The following FMN2 variants were observed in gnomAD, a reference collection of about 807,000 sequenced individuals.
FMN2 encodes the protein formin-2.
FMN2 carries 51 observed loss-of-function variants against 142.3 expected under a neutral mutation model. The observed-to-expected ratio is 0.36, with a 90% CI of 0.29 to 0.45. The LOEUF is 0.45. Among genes scored for constraint, FMN2 ranks in the 20% least tolerant of loss-of-function variants. FMN2 has a pLI of 1.00. For missense variants in FMN2, 1,936 were observed against 2,122.8 expected (o/e 0.91, Z 1.73); for synonymous variants, 882 against 869.8 (o/e 1.01, Z -0.25).
At chr1:240,214,700 T>G (rs762739455) in intron 6 of FMN2, among the ~76,000 whole-genome samples, 17 of 152,002 alleles carry the variant, frequency 1.1e-4, no homozygotes, top group Non-Finnish European at 1.9e-4. Flanking sequence ...AATTCCAGGG[T>G]AGTTCAGTGA....
At chr1:240,219,166 C>A (rs1027428651) in intron 6 of FMN2, among the ~76,000 whole-genome samples, 3 of 152,270 alleles carry the variant, frequency 2.0e-5, no homozygotes, top group Non-Finnish European at 4.4e-5. Context: ...ATATTCATTT[C>A]TCTTAGCTGA....
intron 7 of FMN2, among the ~76,000 whole-genome samples, chr1:240,269,116 T>C (rs1358712335): frequency 3.9e-5 from 6 of 152,048 alleles, no homozygotes; most frequent in Non-Finnish European, 7.4e-5. Flanking sequence ...ATCCGAGAAA[T>C]AATTGCCCTG....
intron 7 of FMN2, among the ~76,000 whole-genome samples, chr1:240,287,924 C>A (rs1379434762): frequency 6.6e-6 from 1 of 152,094 alleles, no homozygotes; most frequent in Non-Finnish European, 1.5e-5. Context: ...CCTTCCAGTG[C>A]CATCAGGTGG....
intron 15 of FMN2, among the ~76,000 whole-genome samples, chr1:240,410,143 G>A (rs1674343945): frequency 7.4e-6 from 1 of 134,486 alleles, no homozygotes; most frequent in East Asian, 2.2e-4. Context: ...CTGTCTCCCA[G>A]ATAACAGTAC....
Position 240,330,804 on chromosome 1 carries a change from A to G in FMN2, c.4584+55A>G. ...ACATTGAGGAGTCAAGGTTTTGTTT[A>G]GTAATGGGTTTGAATGTAAAGCAGT... On this transcript the variant is annotated intron_variant, in intron 11 of 17. Transcript: ENST00000319653. 6 of 1,581,482 alleles carry G rather than the reference A, an allele frequency of 3.8e-6. No homozygotes were observed. The South Asian group carries it at 5.8e-5, about 15-fold the overall frequency.
intron 13 of FMN2, among the ~76,000 whole-genome samples, chr1:240,345,906 C>T (rs747535334): frequency 2.0e-5 from 3 of 152,150 alleles, no homozygotes; most frequent in Admixed American, 6.6e-5. Context: ...ATAGCAACAG[C>T]ACCAAAACCC....
intron 8 of FMN2, among the ~76,000 whole-genome samples, chr1:240,328,558 A>ATTTT (rs1671271937): frequency 7.7e-6 from 1 of 129,820 alleles, no homozygotes; most frequent in African/African-American, 2.8e-5. Context: ...TTTACACTTT[A>ATTTT]TTTTATTTAT....
intron 16 of FMN2, among the ~76,000 whole-genome samples, chr1:240,441,154 C>T (rs1191740859): frequency 2.6e-5 from 4 of 151,902 alleles, no homozygotes; most frequent in Admixed American, 1.3e-4. Context: ...GCCTCCATGC[C>T]CGGCTAATTT....
chr1:240,180,568 T>C (rs1018155750), intron 3 of FMN2, among the ~76,000 whole-genome samples: 5 of 139,780 alleles, frequency 3.6e-5, no homozygotes, highest in African/African-American at 8.1e-5. Flanking sequence ...CATGACCCCT[T>C]TTTTTTTTTT....
intron 4 of FMN2, among the ~76,000 whole-genome samples, chr1:240,190,651 C>T (rs925359623): frequency 1.3e-5 from 2 of 152,148 alleles, no homozygotes; most frequent in African/African-American, 4.8e-5. Context: ...TATTTGAGTA[C>T]AGATCTGTTT....
chr1:240,254,878 C>T (rs1159295440), intron 6 of FMN2, among the ~76,000 whole-genome samples: 2 of 152,122 alleles, frequency 1.3e-5, no homozygotes, highest in African/African-American at 4.8e-5. Flanking sequence ...AGGATGCAGT[C>T]TGGTGGGGGC....
At chr1:240,263,867 A>T (rs560500663) in intron 7 of FMN2, among the ~76,000 whole-genome samples, 6 of 152,136 alleles carry the variant, frequency 3.9e-5, no homozygotes, top group Non-Finnish European at 8.8e-5. Flanking sequence ...GTCCTGTCTA[A>T]AGCTAACTGG....
At chr1:240,299,943 A>T (rs1670139925) in intron 8 of FMN2, among the ~76,000 whole-genome samples, 1 of 152,200 alleles carries the variant, frequency 6.6e-6, no homozygotes, top group Admixed American at 6.5e-5. Context: ...GGCGCGCTGT[A>T]TGAAGGCACA....
At chr1:240,288,849 C>A (rs1390377015) in intron 7 of FMN2, among the ~76,000 whole-genome samples, 1 of 152,024 alleles carries the variant, frequency 6.6e-6, no homozygotes, top group Non-Finnish European at 1.5e-5. Flanking sequence ...GGCCCTCAGC[C>A]TGAGGAACTG....
chr1:240,357,439 A>G (rs925433729), intron 14 of FMN2, among the ~76,000 whole-genome samples: 3 of 152,190 alleles, frequency 2.0e-5, no homozygotes, highest in Admixed American at 1.3e-4. Flanking sequence ...GTGCTTTCAA[A>G]ACACAGATGA....
intron 15 of FMN2, among the ~76,000 whole-genome samples, chr1:240,394,931 G>T (rs1252125126): frequency 1.3e-5 from 2 of 152,168 alleles, no homozygotes; most frequent in African/African-American, 4.8e-5. Context: ...TCGCGCCACT[G>T]CACTCCAGCC....
intron 2 of FMN2, among the ~76,000 whole-genome samples, chr1:240,146,459 T>C (rs2103263427): frequency 6.6e-6 from 1 of 150,866 alleles, no homozygotes; most frequent in African/African-American, 2.4e-5. Context: ...TCCCAGCACT[T>C]TGGGAGGCCA....
At chr1:240,117,783 C>T (rs1257616092) in intron 1 of FMN2, among the ~76,000 whole-genome samples, 5 of 152,340 alleles carry the variant, frequency 3.3e-5, no homozygotes, top group South Asian at 4.1e-4. Context: ...TTGCCAGCCA[C>T]TCCTTGAGGT....
At chr1:240,373,049 T>C (rs1672925446) in intron 14 of FMN2, among the ~76,000 whole-genome samples, 1 of 151,988 alleles carries the variant, frequency 6.6e-6, no homozygotes, top group Non-Finnish European at 1.5e-5. Context: ...GCGCGCGTGG[T>C]GGTGCACACC....
Sources: allele counts gnomAD v4.1 joint callset (sites outside exome capture counted in the v4.1 genomes callset), GRCh38; gene constraint gnomAD v4.1.1; transcripts MANE v1.5; gene names NCBI Gene and HGNC (gene_info 2026-07-23, HGNC 2026-07-21).